Variants in BBS1 observed in about 807,000 individuals in gnomAD.
The protein encoded by BBS1 is Bardet-Biedl syndrome 1.
A neutral mutation model predicts 73.9 loss-of-function variants in BBS1; 60 were observed. That is an observed-to-expected ratio of 0.81 (90% CI 0.66 to 1.01). The LOEUF (loss-of-function observed/expected upper bound fraction) is 1.01, where lower values mean the gene tolerates loss of function less well. BBS1 is among the 50% of genes least tolerant of loss of function. BBS1 has a pLI of 0.00. For synonymous variants in BBS1, 283 were observed against 317.4 expected (o/e 0.89, Z 1.15); for missense variants, 718 against 770.3 (o/e 0.93, Z 0.80).
At chr11:66,523,998 G>A in intron 11 of BBS1, 116 bp downstream of exon 11, 1 of 1,465,490 alleles carries the variant, frequency 6.8e-7, no homozygotes, top group Non-Finnish European at 9.3e-7. Context: ...CATTTGTTGA[G>A]GCCAGGCACA....
In BBS1 at chr11:66,532,367, C is replaced by G. The variant is rs769481737; in HGVS notation, c.*330C>G. 4 of 348,860 alleles carry G rather than the reference C, an allele frequency of 1.1e-5. No individual in the cohort carries two copies. The highest frequency in any genetic ancestry group is 2.2e-5 in the Non-Finnish European group (4 of 185,226). 21.6% of individuals were successfully genotyped at this position (348,860 alleles called of 1,614,324 possible). A position where few individuals can be genotyped will look rare whatever the true frequency, so the allele number is the denominator to read the frequency against. On this transcript the variant is annotated 3_prime_UTR_variant, in exon 17 of 17. Transcript: ENST00000318312. ...TCAAAGTGAGCTGAGCAGGACAGGC[C>G]CAGCCTTTCTCCACTGCCACGTCCC...
chr11:66,533,020 T>G lies in BBS1; in HGVS notation c.*983T>G, dbSNP rs1279477701. On this transcript the variant is annotated 3_prime_UTR_variant, in exon 17 of 17. Coordinates refer to ENST00000318312, the MANE Select transcript of BBS1 (RefSeq NM_024649.5). ...TTAGCAGGAAAGGCGGGGCCTTTCT[T>G]GTCATAGCTATTTCTGAGGATGAAA... 2.0e-5 allele frequency: 3 copies of G among 152,240 alleles called. No individual in the cohort carries two copies. Among genetic ancestry groups the G allele is most frequent in the African/African-American group, 7.2e-5 (3 of 41,446 alleles). The allele number at this position is 152,240 out of a possible 1,614,324, so 9.4% of individuals were successfully genotyped here.
intron 11 of BBS1, among the ~76,000 whole-genome samples, chr11:66,525,624 G>A (rs1380598134): frequency 6.6e-6 from 1 of 152,188 alleles, no homozygotes; most frequent in South Asian, 2.1e-4. Flanking sequence ...CTGTGTCACA[G>A]TATAAAATTT....
At chr11:66,514,293 A>T in intron 3 of BBS1, 113 bp from the exon 4 acceptor site, 3 of 1,427,502 alleles carry the variant, frequency 2.1e-6, no homozygotes, top group East Asian at 2.3e-5. Context: ...CCTGAGGGCA[A>T]AGCCTTTATT....
rs1373848817 is a variant in BBS1, at chr11:66,514,569, C to T, written c.323C>T (p.Ser108Leu). Residue 108 changes from serine (S) to leucine (L), a missense_variant, in exon 4 of 17, where the codon TCA (serine) becomes TTA (leucine). Physicochemically the swap from Ser to Leu is moderately radical, Grantham distance 145. Transcript: ENST00000318312. ...CGGACCCCAGCTCTGGCACTTGCTT[C>T]AGGCCCTTGTGTCTATGTGTATAAG... ...EPRTPALALA[S>L]GPCVYVYKNL... The T allele has an allele frequency of 3.1e-6, 5 of 1,614,028 alleles. No homozygotes were observed. The highest frequency in any genetic ancestry group is 4.2e-6 in the Non-Finnish European group (5 of 1,180,034).
intron 7 of BBS1, among the ~76,000 whole-genome samples, chr11:66,517,894 C>T (rs1461170523): frequency 6.6e-6 from 1 of 151,290 alleles, no homozygotes; most frequent in Non-Finnish European, 1.5e-5. Context: ...CATGAGCCAC[C>T]TTATTTAGCC....
In BBS1 at chr11:66,524,974, G is replaced by A. The variant is rs576216174; in HGVS notation, c.1110+1092G>A. On this transcript the variant is annotated intron_variant, in intron 11 of 16. Transcript: ENST00000318312. The stretch of plus-strand genomic sequence containing the variant: ...CCAGCACTTTGGGAGGCCGAGGCAG[G>A]CAGATCACAAGGTCAGGAGATGGAG... Among the ~76,000 whole-genome samples, 3 of 152,102 alleles carry A rather than the reference G, an allele frequency of 2.0e-5. No homozygotes were observed. In the South Asian group the frequency reaches 6.2e-4, roughly 32 times the overall value.
intron 13 of BBS1, among the ~76,000 whole-genome samples, chr11:66,528,755 G>A (rs1856624363): frequency 6.6e-6 from 1 of 152,026 alleles, no homozygotes; most frequent in Non-Finnish European, 1.5e-5. Context: ...GATCACCTGA[G>A]GTCAGGAGTT....
chr11:66,529,264 T>C, intron 13 of BBS1: 2 of 1,527,428 alleles, frequency 1.3e-6, no homozygotes, highest in Non-Finnish European at 1.8e-6. Context: ...ATGTGAGGGG[T>C]GGACCTAGGT....
intron 3 of BBS1, 151 bp downstream of exon 3, chr11:66,511,390 G>A: frequency 1.1e-6 from 1 of 881,640 alleles, no homozygotes; most frequent in South Asian, 1.8e-5. Flanking sequence ...TTTTTATATG[G>A]AAAGTGAAGA....
Position 66,531,731 on chromosome 11 carries a change from G to C in BBS1, c.1684G>C (p.Asp562His). 1 of 1,614,020 alleles carries C rather than the reference G, an allele frequency of 6.2e-7. No homozygotes were observed. Among genetic ancestry groups the C allele is most frequent in the Non-Finnish European group, 8.5e-7 (1 of 1,179,992 alleles). Residue 562 changes from aspartate (D) to histidine (H), a missense_variant, in exon 16 of 17, where the codon GAC becomes CAC. Coordinates refer to ENST00000318312, the MANE Select transcript of BBS1 (RefSeq NM_024649.5). ...VESLSNKGIS[D>H]IIKVLVLREG... ...GAGTCTCAGTAACAAGGGCATCTCA[G>C]ACATCATCAAGGTAGGCCCCGCACT...
chr11:66,514,662 G>A lies in BBS1; in HGVS notation c.416G>A (p.Trp139Ter), dbSNP rs878855095. Residue 139 changes from tryptophan (W) to a stop codon, truncating the protein, a stop_gained, in exon 4 of 17, where the codon TGG becomes TAG. Transcript: ENST00000318312. LOFTEE classifies it high-confidence loss of function. The stretch of plus-strand genomic sequence containing the variant: ...CCAAATCCTCTGGAACAAGACCTTT[G>A]GAACCAGGCCAAAGAGGTAAATAAA... Reference protein sequence around the residue: ...LPPNPLEQDLWNQAKEDRIDP... With the variant: ...LPPNPLEQDL 1.9e-6 allele frequency: 3 copies of A among 1,612,152 alleles called. No homozygotes were observed. Among genetic ancestry groups the A allele is most frequent in the African/African-American group, 2.7e-5 (2 of 74,902 alleles).
intron 11 of BBS1, 60 bp from the exon 12 acceptor site, chr11:66,526,063 C>T (rs1856474802): frequency 6.6e-7 from 1 of 1,518,540 alleles, no homozygotes; most frequent in Non-Finnish European, 9.1e-7. Flanking sequence ...CCTACCCATC[C>T]CCTGTCTTGC....
At position 66,529,880 on chromosome 11, in the gene BBS1, C is replaced by T; in HGVS notation, c.1401C>T (p.Tyr467=). 3 of 1,609,796 alleles carry T rather than the reference C, an allele frequency of 1.9e-6. No homozygotes were observed. Among genetic ancestry groups the T allele is most frequent in the South Asian group, 2.2e-5 (2 of 91,078 alleles). The change falls in exon 14 of 17, where the codon TAC becomes TAT. Residue 467 remains tyrosine (Y), a synonymous_variant. Transcript: ENST00000318312. The part of the protein sequence containing the change: ...YLLRLRAARA[Y]LQALESSLSP... Reference sequence around the variant, plus strand: ...TGCGCCTACGTGCTGCCCGCGCCTACCTGCAGGCCCTCGAGTCCAGCCTGA... The same window carrying T: ...TGCGCCTACGTGCTGCCCGCGCCTATCTGCAGGCCCTCGAGTCCAGCCTGA...
chr11:66,515,415 G>A, intron 4 of BBS1, 125 bp from the exon 5 acceptor site: 1 of 1,003,562 alleles, frequency 1.0e-6, no homozygotes, highest in Non-Finnish European at 1.6e-6. Flanking sequence ...GCTCAGTGCA[G>A]AGGTAGGCTG....
chr11:66,521,193 C>A, intron 8 of BBS1, 77 bp from the exon 9 acceptor site: 1 of 1,084,262 alleles, frequency 9.2e-7, no homozygotes, highest in Non-Finnish European at 1.4e-6. Context: ...CAGGCACTCA[C>A]TCAGAGGAGT....
intron 9 of BBS1, chr11:66,521,633 C>T (rs1856221476): frequency 2.1e-6 from 1 of 469,432 alleles, no homozygotes. Context: ...AGGCTGGGCG[C>T]TGTGGCTCAC....
At chr11:66,522,426 C>T (rs1856284289) in intron 9 of BBS1, among the ~76,000 whole-genome samples, 1 of 151,242 alleles carries the variant, frequency 6.6e-6, no homozygotes, top group Admixed American at 6.6e-5. Context: ...CGGCTTACTG[C>T]AACCTCTGCC....
Position 66,531,755 on chromosome 11 carries a change from C to A in BBS1, c.1695+13C>A, listed in dbSNP as rs200267036. On this transcript the variant is annotated intron_variant, in intron 16 of 16. Coordinates refer to ENST00000318312, the MANE Select transcript of BBS1 (RefSeq NM_024649.5). ...AGACATCATCAAGGTAGGCCCCGCA[C>A]TTGTACCACGTGGAAGGTGAGCAGG... 1.9e-6 allele frequency: 3 copies of A among 1,613,828 alleles called. No individual in the cohort carries two copies. Among genetic ancestry groups the A allele is most frequent in the Non-Finnish European group, 2.5e-6 (3 of 1,179,952 alleles).
Sources: allele counts gnomAD v4.1 joint callset (sites outside exome capture counted in the v4.1 genomes callset), GRCh38; gene constraint gnomAD v4.1.1; transcripts MANE v1.5; gene names NCBI Gene and HGNC (gene_info 2026-07-23, HGNC 2026-07-21).